ACSS3: variants seen among roughly 807,000 people sequenced by gnomAD.
ACSS3 encodes acyl-CoA synthetase short chain family member 3, also known as acyl-CoA synthetase short-chain family member 3, mitochondrial.
Under a neutral mutation model 84.2 loss-of-function variants are expected in ACSS3, and 64 were observed. The ratio of observed to expected loss-of-function variants is 0.76; its 90% confidence interval spans 0.62 to 0.94. The LOEUF is 0.94. ACSS3 is among the 40% of genes least tolerant of loss of function. The probability of loss-of-function intolerance (pLI) is 0.00; values close to 1 mark genes in which losing one functional copy is unlikely to be tolerated. For synonymous variants in ACSS3, 317 were observed against 310.1 expected, an observed-to-expected ratio of 1.02 and a Z score of -0.23; for missense variants, 815 against 867.6, an observed-to-expected ratio of 0.94 and a Z score of 0.76.
At chr12:81,116,621 A>C (rs1884066560) in intron 2 of ACSS3, among the ~76,000 whole-genome samples, 1 of 152,066 alleles carries the variant, frequency 6.6e-6, no homozygotes, top group African/African-American at 2.4e-5. Flanking sequence ...TAATCCAGTT[A>C]TTAGGGTACC....
intron 15 of ACSS3, 56 bp from the exon 16 acceptor site, chr12:81,254,801 A>G (rs770189497): frequency 6.6e-5 from 88 of 1,335,668 alleles, no homozygotes; most frequent in Non-Finnish European, 9.0e-5. Flanking sequence ...TTAATTATAG[A>G]AAGAGTAGAA....
chr12:81,192,002 T>G (rs1415417149), intron 8 of ACSS3, among the ~76,000 whole-genome samples: 1 of 152,208 alleles, frequency 6.6e-6, no homozygotes, highest in Non-Finnish European at 1.5e-5. Flanking sequence ...AATAACTGAT[T>G]TTATGTGTGT....
chr12:81,089,378 A>G (rs977471065), intron 1 of ACSS3, among the ~76,000 whole-genome samples: 1 of 151,812 alleles, frequency 6.6e-6, no homozygotes, highest in Admixed American at 6.6e-5. Context: ...GATTAATGGC[A>G]TATGTTAAGT....
At position 81,256,684 on chromosome 12, in the gene ACSS3, C is replaced by T. The variant is rs1219372623; in HGVS notation, c.*1762C>T. 1.3e-5 allele frequency: 2 copies of T among 152,060 alleles called. No homozygotes were observed. The highest frequency in any genetic ancestry group is 6.6e-5 in the Admixed American group (1 of 15,258). 9.4% of individuals were successfully genotyped at this position (152,060 alleles called of 1,614,324 possible). A position where few individuals can be genotyped will look rare whatever the true frequency, so the allele number is the denominator to read the frequency against. ...TTATTGTTATAAAAATGACCTACAACTTATATAAAAAAATTCTGAAAATGT... is the reference window on the plus strand; with the variant it reads ...TTATTGTTATAAAAATGACCTACAATTTATATAAAAAAATTCTGAAAATGT... On this transcript the variant is annotated 3_prime_UTR_variant, in exon 16 of 16. Coordinates refer to ENST00000548058, the MANE Select transcript of ACSS3 (RefSeq NM_024560.4).
At chr12:81,153,969 C>T (rs1358949839) in intron 7 of ACSS3, among the ~76,000 whole-genome samples, 1 of 152,128 alleles carries the variant, frequency 6.6e-6, no homozygotes, top group South Asian at 2.1e-4. Flanking sequence ...ATCTTGCGGA[C>T]TTGATATGCA....
At chr12:81,133,208 A>G (rs923368818) in intron 2 of ACSS3, among the ~76,000 whole-genome samples, 5 of 152,218 alleles carry the variant, frequency 3.3e-5, no homozygotes, top group African/African-American at 2.4e-5. Context: ...AATAGAAAAG[A>G]GAAAAATGGC....
rs183123687 is a variant in ACSS3, at chr12:81,086,381, A to G, written c.311+7950A>G. On this transcript the variant is annotated intron_variant, in intron 1 of 15. Transcript: ENST00000548058. The stretch of plus-strand genomic sequence containing the variant: ...AACCTCATCAAGAAAGACCAGTTTT[A>G]AAAGATGGGCCTTATTTTATATTCT... Among the ~76,000 whole-genome samples the G allele has an allele frequency of 5.3e-5, 8 of 152,342 alleles. No individual in the cohort carries two copies. The East Asian group carries it at 1.5e-3, about 29-fold the overall frequency.
chr12:81,159,026 T>C (rs1212105777), intron 7 of ACSS3, among the ~76,000 whole-genome samples: 1 of 152,206 alleles, frequency 6.6e-6, no homozygotes, highest in Non-Finnish European at 1.5e-5. Context: ...TGAATGACAA[T>C]ATCAGAAGAA....
At chr12:81,147,945 A>G (rs989039486) in intron 5 of ACSS3, among the ~76,000 whole-genome samples, 1 of 152,058 alleles carries the variant, frequency 6.6e-6, no homozygotes, top group Admixed American at 6.6e-5. Context: ...ATAAATATGT[A>G]CACATGCATG....
At chr12:81,252,819 G>C (rs2034193845) in intron 13 of ACSS3, among the ~76,000 whole-genome samples, 1 of 152,130 alleles carries the variant, frequency 6.6e-6, no homozygotes. Context: ...GTGGCCACTA[G>C]AGGAATTTCA....
chr12:81,256,677 CCTA>C lies in ACSS3; in HGVS notation c.*1757_*1759del, dbSNP rs2034311402. On this transcript the variant is annotated 3_prime_UTR_variant, in exon 16 of 16. Transcript: ENST00000548058. ...AGAAAGTTTATTGTTATAAAAATGA[CCTA>C]CAACTTATATAAAAAAATTCTGAAA... 6.6e-6 allele frequency: 1 copy of C among 152,022 alleles called. No homozygotes were observed. Among genetic ancestry groups the C allele is most frequent in the Non-Finnish European group, 1.5e-5 (1 of 67,984 alleles). 9.4% of individuals were successfully genotyped at this position (152,022 alleles called of 1,614,324 possible). A position where few individuals can be genotyped will look rare whatever the true frequency, so the allele number is the denominator to read the frequency against.
intron 2 of ACSS3, among the ~76,000 whole-genome samples, chr12:81,122,925 G>A (rs754016818): frequency 6.6e-6 from 1 of 152,034 alleles, no homozygotes; most frequent in African/African-American, 2.4e-5. Flanking sequence ...AAAATCATTT[G>A]AAAAATTTTA....
chr12:81,167,876 A>G (rs552246291), intron 7 of ACSS3, among the ~76,000 whole-genome samples: 1 of 152,326 alleles, frequency 6.6e-6, no homozygotes, highest in South Asian at 2.1e-4. Flanking sequence ...CTGGACACAG[A>G]GTTGTATCCT....
intron 10 of ACSS3, among the ~76,000 whole-genome samples, chr12:81,218,590 G>T (rs2033003086): frequency 6.6e-6 from 1 of 152,032 alleles, no homozygotes; most frequent in Non-Finnish European, 1.5e-5. Flanking sequence ...CCCTGGAAAG[G>T]TGAACCCAGA....
At chr12:81,117,678 TG>T (rs1227816529) in intron 2 of ACSS3, among the ~76,000 whole-genome samples, 1 of 152,014 alleles carries the variant, frequency 6.6e-6, no homozygotes, top group Admixed American at 6.6e-5. Context: ...CCAAAGATGA[TG>T]GGAAGCTCCA....
chr12:81,187,972 CA>C (rs550145608), intron 8 of ACSS3, among the ~76,000 whole-genome samples: 379 of 151,952 alleles, frequency 2.5e-3, no homozygotes, highest in African/African-American at 9.0e-3. Flanking sequence ...AGCAGGAAAG[CA>C]AATTAGAAGG....
intron 7 of ACSS3, among the ~76,000 whole-genome samples, chr12:81,159,014 C>A (rs959623086): frequency 2.0e-5 from 3 of 152,052 alleles, no homozygotes; most frequent in Admixed American, 2.0e-4. Flanking sequence ...TAAATAAATG[C>A]CTGAATGACA....
Position 81,220,043 on chromosome 12 carries a change from T to A in ACSS3, c.1481T>A (p.Leu494Gln). 1 of 1,544,576 alleles carries A rather than the reference T, an allele frequency of 6.5e-7. No homozygotes were observed. The highest frequency in any genetic ancestry group is 8.7e-7 in the Non-Finnish European group (1 of 1,145,290). The change falls in exon 11 of 16, where the codon CTG (leucine) becomes CAG (glutamine). Residue 494 changes from leucine (L) to glutamine (Q), a missense_variant. Physicochemically the swap from Leu to Gln is moderately radical, Grantham distance 113. Coordinates refer to ENST00000548058, the MANE Select transcript of ACSS3 (RefSeq NM_024560.4). ...VMILDDNMQK[L>Q]KARCLGNIVV... ...ATTTTGGATGACAACATGCAAAAAC[T>A]GAAGGCTCGGTGTTTAGGAAATATT...
intron 3 of ACSS3, among the ~76,000 whole-genome samples, chr12:81,135,685 G>A (rs2121559280): frequency 1.3e-5 from 2 of 151,760 alleles, no homozygotes; most frequent in East Asian, 1.9e-4. Flanking sequence ...AACCCAGAAC[G>A]GGGATAAAGG....
Sources: gnomAD v4.1 joint callset for allele counts (sites outside exome capture counted in the v4.1 genomes callset) on GRCh38, gnomAD v4.1.1 for gene constraint, MANE v1.5 for transcripts, NCBI Gene and HGNC (gene_info 2026-07-23, HGNC 2026-07-21) for gene names.